The following CTBP2 variants were observed in gnomAD, a reference collection of about 807,000 sequenced individuals.
CTBP2 encodes C-terminal-binding protein 2.
In CTBP2, 30 loss-of-function variants were observed where a neutral mutation model predicts 80.3. The observed-to-expected ratio is 0.37, with a 90% CI of 0.28 to 0.51. The LOEUF is 0.51. Ranked by LOEUF, CTBP2 falls within the 20% of genes least tolerant of loss-of-function variation. CTBP2 has a pLI of 0.93. For synonymous variants in CTBP2, 594 were observed against 587.4 expected, an observed-to-expected ratio of 1.01 and a Z score of -0.16; for missense variants, 1,212 against 1,375.3, an observed-to-expected ratio of 0.88 and a Z score of 1.88.
At chr10:125,161,988 A>G (rs935797123), upstream of CTBP2, among the ~76,000 whole-genome samples, 2 of 152,182 alleles carry the variant, frequency 1.3e-5, no homozygotes, top group Non-Finnish European at 2.9e-5. Context: ...GTGACCCGCG[A>G]CGTCCGAGCG....
At chr10:125,092,176 CTTTTTTT>C (rs71029238) in intron 2 of CTBP2, among the ~76,000 whole-genome samples, 40 of 87,132 alleles carry the variant, frequency 4.6e-4, no homozygotes, top group South Asian at 1.9e-3. Flanking sequence ...TCTGAAGATT[CTTTTTTT>C]TTTTTTTTTT....
intron 2 of CTBP2, among the ~76,000 whole-genome samples, chr10:125,063,331 G>A (rs1045228876): frequency 1.4e-4 from 21 of 151,946 alleles, no homozygotes; most frequent in Admixed American, 1.3e-3. Flanking sequence ...TTATTTCTCC[G>A]CAAGCCACAT....
chr10:125,045,001 A>T (rs1960871634), intron 2 of CTBP2, among the ~76,000 whole-genome samples: 1 of 152,180 alleles, frequency 6.6e-6, no homozygotes, highest in Non-Finnish European at 1.5e-5. Flanking sequence ...CTATGGACCG[A>T]ATGCTTGTGT....
intron 2 of CTBP2, among the ~76,000 whole-genome samples, chr10:125,052,961 T>C (rs918883385): frequency 6.6e-6 from 1 of 152,234 alleles, no homozygotes; most frequent in Non-Finnish European, 1.5e-5. Flanking sequence ...CTCCGGTCCA[T>C]TCTCAAATTC....
chr10:124,993,477 G>A (rs1953001069), intron 6 of CTBP2, 148 bp from the exon 9 acceptor site: 2 of 1,014,282 alleles, frequency 2.0e-6, no homozygotes, highest in Non-Finnish European at 1.4e-6. Flanking sequence ...TTTTATGAAG[G>A]CTGGGAATTT....
At position 125,003,075 on chromosome 10, in the gene CTBP2, C is replaced by T; in HGVS notation, c.1863G>A (p.Met621Ile). Residue 621 changes from methionine to isoleucine, a missense_variant, in exon 3 of 9, where the codon ATG (methionine) becomes ATA (isoleucine). Physicochemically the swap from Met to Ile is conservative, Grantham distance 10. Around this residue, in one of 3 missense-constraint regions of CTBP2, gnomAD observed 335 missense variants for 504.7 expected, o/e 0.66. Coordinates refer to ENST00000309035, the MANE Select transcript of CTBP2 (RefSeq NM_022802.3). ...CCCTGGTGAGGGTGATGGTGTGGTA[C>T]ATCATGGCGCCCACGGCTTCGTTTA... 1 of 1,614,068 alleles carries T rather than the reference C, an allele frequency of 6.2e-7. No homozygotes were observed. Among genetic ancestry groups the T allele is most frequent in the Non-Finnish European group, 8.5e-7 (1 of 1,180,026 alleles).
intron 2 of CTBP2, among the ~76,000 whole-genome samples, chr10:125,081,619 T>C (rs1478897300): frequency 6.6e-6 from 1 of 152,144 alleles, no homozygotes; most frequent in Non-Finnish European, 1.5e-5. Context: ...CTTTGTTCCA[T>C]TCTTACAACT....
intron 2 of CTBP2, among the ~76,000 whole-genome samples, chr10:125,043,860 A>T (rs180792903): frequency 3.0e-4 from 45 of 152,360 alleles, no homozygotes; most frequent in African/African-American, 1.0e-3. Context: ...TCTCAAATCC[A>T]GTTAAACATG....
chr10:125,012,790 A>G (rs1337623357), intron 1 of CTBP2, among the ~76,000 whole-genome samples: 1 of 152,120 alleles, frequency 6.6e-6, no homozygotes, highest in Admixed American at 6.5e-5. Context: ...AAGTTGGCCA[A>G]GCAGGTCTCA....
upstream of CTBP2, among the ~76,000 whole-genome samples, chr10:125,031,749 C>T (rs1171350947): frequency 2.0e-5 from 3 of 152,206 alleles, no homozygotes; most frequent in African/African-American, 4.8e-5. Context: ...CTGAGTGCAC[C>T]GTGCACCCTT....
intron 2 of CTBP2, among the ~76,000 whole-genome samples, chr10:125,089,612 G>T (rs1033488714): frequency 6.6e-6 from 1 of 152,336 alleles, no homozygotes; most frequent in African/African-American, 2.4e-5. Flanking sequence ...ACACCCAGAA[G>T]GACCAGCCAG....
chr10:125,000,112 C>T (rs1245673386), intron 3 of CTBP2: 2 of 152,314 alleles, frequency 1.3e-5, no homozygotes, highest in African/African-American at 4.8e-5. Context: ...CTTGGACATT[C>T]AGCTCCGTGG....
chr10:124,993,424 T>G, intron 6 of CTBP2, 95 bp from the exon 9 acceptor site: 1 of 1,358,474 alleles, frequency 7.4e-7, no homozygotes, highest in Non-Finnish European at 1.0e-6. Context: ...TGTAGAAAAG[T>G]AGCTACATAG....
chr10:125,117,814 A>C (rs766852033), intron 1 of CTBP2, among the ~76,000 whole-genome samples: 5 of 152,212 alleles, frequency 3.3e-5, no homozygotes, highest in Admixed American at 6.5e-5. Flanking sequence ...AACAACCCCG[A>C]AAGCTAATTC....
In CTBP2 at chr10:125,148,027, G is replaced by A. The variant is rs1013960201; in HGVS notation, c.-206+12292C>T. ...CCCTCATTTTACAGATTCAGAAACC[G>A]AAGCCCTTTGCAAAGGCCTCCCAGT... On this transcript the variant is annotated intron_variant, in intron 1 of 10. Coordinates refer to the CTBP2 transcript ENST00000337195. Among the ~76,000 whole-genome samples, 13 of 152,178 alleles carry A rather than the reference G, an allele frequency of 8.5e-5. No homozygotes were observed. In the East Asian group the frequency reaches 1.5e-3, roughly 18 times the overall value.
At chr10:125,091,693 C>G (rs781413665) in intron 2 of CTBP2, among the ~76,000 whole-genome samples, 2 of 152,302 alleles carry the variant, frequency 1.3e-5, no homozygotes, top group African/African-American at 4.8e-5. Flanking sequence ...CTGCTTGAGC[C>G]CGGAGGTCAA....
At chr10:125,125,092 C>T (rs10466248) in intron 1 of CTBP2, among the ~76,000 whole-genome samples, 36,452 of 152,148 alleles carry the variant, frequency 0.24, 4,486 homozygotes, top group African/African-American at 0.31. Flanking sequence ...ACACTCCTAA[C>T]ACCTTAAGGG....
At chr10:125,071,274 G>A (rs1845445731) in intron 2 of CTBP2, among the ~76,000 whole-genome samples, 1 of 152,270 alleles carries the variant, frequency 6.6e-6, no homozygotes, top group Non-Finnish European at 1.5e-5. Flanking sequence ...GAGCCTGGTT[G>A]AAGGCCACTG....
intron 1 of CTBP2, among the ~76,000 whole-genome samples, chr10:125,014,209 C>A (rs532783132): frequency 6.6e-6 from 1 of 152,238 alleles, no homozygotes; most frequent in East Asian, 1.9e-4. Flanking sequence ...GTCCTCCTCA[C>A]GGTGTCCTAT....
Sources: gnomAD v4.1 joint callset for allele counts (sites outside exome capture counted in the v4.1 genomes callset) on GRCh38, gnomAD v4.1.1 for gene constraint, gnomAD v4.1.1 regional missense constraint, MANE v1.5 for transcripts, NCBI Gene and HGNC (gene_info 2026-07-23, HGNC 2026-07-21) for gene names.